SMYD3: variants seen among roughly 807,000 people sequenced by gnomAD.
The protein encoded by SMYD3 is SET and MYND domain containing 3, also known as histone-lysine N-methyltransferase SMYD3.
Under a neutral mutation model 57.7 loss-of-function variants are expected in SMYD3, and 36 were observed. That is an observed-to-expected ratio of 0.62 (90% CI 0.48 to 0.82). The LOEUF is 0.82. Among genes scored for constraint, SMYD3 ranks in the 40% least tolerant of loss-of-function variants. The probability of loss-of-function intolerance (pLI) is 0.00; values close to 1 mark genes in which losing one functional copy is unlikely to be tolerated. For missense variants in SMYD3, 515 were observed against 538.8 expected (o/e 0.96, Z 0.44); for synonymous variants, 211 against 195.0 (o/e 1.08, Z -0.68).
At chr1:245,797,096 T>G (rs2047556441) in intron 10 of SMYD3, among the ~76,000 whole-genome samples, 1 of 152,220 alleles carries the variant, frequency 6.6e-6, no homozygotes, top group East Asian at 1.9e-4. Context: ...CAAGGCACTT[T>G]CTATTCAAGT....
chr1:246,462,056 A>G (rs1407930230), intron 1 of SMYD3, among the ~76,000 whole-genome samples: 1 of 152,164 alleles, frequency 6.6e-6, no homozygotes, highest in Non-Finnish European at 1.5e-5. Context: ...TCCACAAAAG[A>G]GGTGAAATCT....
At chr1:246,450,346 T>C (rs2067614614) in intron 1 of SMYD3, among the ~76,000 whole-genome samples, 1 of 151,798 alleles carries the variant, frequency 6.6e-6, no homozygotes, top group Non-Finnish European at 1.5e-5. Context: ...TCCCAAAGAC[T>C]GAGTTTCAAC....
At chr1:246,258,289 C>A (rs1213651683) in intron 5 of SMYD3, among the ~76,000 whole-genome samples, 1 of 152,138 alleles carries the variant, frequency 6.6e-6, no homozygotes, top group Non-Finnish European at 1.5e-5. Flanking sequence ...CCCACCTCGG[C>A]CTCCCAAAGT....
chr1:246,377,207 G>A (rs983506183), intron 1 of SMYD3, among the ~76,000 whole-genome samples: 3 of 152,104 alleles, frequency 2.0e-5, no homozygotes, highest in Non-Finnish European at 2.9e-5. Flanking sequence ...AGTTAGTGAG[G>A]AAAGTGGTAA....
chr1:246,298,654 T>C (rs2064838177), intron 5 of SMYD3, among the ~76,000 whole-genome samples: 1 of 152,140 alleles, frequency 6.6e-6, no homozygotes, highest in South Asian at 2.1e-4. Flanking sequence ...GCTATCTTTA[T>C]ATAATGATGA....
intron 5 of SMYD3, among the ~76,000 whole-genome samples, chr1:246,174,382 T>C (rs899067883): frequency 6.6e-6 from 1 of 152,210 alleles, no homozygotes; most frequent in African/African-American, 2.4e-5. Flanking sequence ...ACCAGCATTG[T>C]ATACACAGTC....
At chr1:246,034,878 G>A (rs367795849) in intron 5 of SMYD3, among the ~76,000 whole-genome samples, 19 of 152,080 alleles carry the variant, frequency 1.2e-4, no homozygotes, top group Admixed American at 3.9e-4. Flanking sequence ...GATCCCTGCC[G>A]CACAAATTCG....
chr1:245,985,365 C>T (rs1238403981), intron 5 of SMYD3, among the ~76,000 whole-genome samples: 2 of 152,186 alleles, frequency 1.3e-5, no homozygotes, highest in African/African-American at 2.4e-5. Context: ...TTATATTTGT[C>T]CAATAGGCAT....
rs1216321402 is a variant in SMYD3, at chr1:245,791,913, C to T, written c.1077-27764G>A. 2.6e-5 allele frequency among the ~76,000 whole-genome samples: 4 copies of T among 151,142 alleles called. No homozygotes were observed. In the East Asian group the frequency reaches 5.9e-4, roughly 22 times the overall value. On this transcript the variant is annotated intron_variant, in intron 10 of 11. Transcript: ENST00000490107. ...TTCTCACTGTCATGCCAATGACAGA[C>T]CATCTGATTAGACTGTTTTAAACAT... is the stretch of plus-strand genomic sequence containing the variant.
intron 1 of SMYD3, among the ~76,000 whole-genome samples, chr1:246,366,928 C>T (rs865967765): frequency 1.0e-5 from 1 of 100,038 alleles, no homozygotes; most frequent in Admixed American, 1.3e-4. Flanking sequence ...GAGACTCCAT[C>T]TCAAAAAAAA....
chr1:246,427,073 G>A (rs962513983), intron 1 of SMYD3, among the ~76,000 whole-genome samples: 1 of 152,024 alleles, frequency 6.6e-6, no homozygotes, highest in Non-Finnish European at 1.5e-5. Context: ...GAAGCAAGGC[G>A]ACTAGATCAT....
At chr1:245,827,261 C>G (rs10924343) in intron 10 of SMYD3, among the ~76,000 whole-genome samples, 107,876 of 151,924 alleles carry the variant, frequency 0.71, 39,940 homozygotes, top group Non-Finnish European at 0.84. Flanking sequence ...AGCCTGTTGT[C>G]AGTCACTAAT....
At chr1:246,242,155 C>A (rs548658237) in intron 5 of SMYD3, among the ~76,000 whole-genome samples, 12 of 152,146 alleles carry the variant, frequency 7.9e-5, no homozygotes, top group African/African-American at 2.9e-4. Flanking sequence ...TTTGCTCTTG[C>A]TTCTCTAGTT....
At chr1:245,947,839 G>T (rs2057476777) in intron 5 of SMYD3, among the ~76,000 whole-genome samples, 1 of 152,080 alleles carries the variant, frequency 6.6e-6, no homozygotes, top group Non-Finnish European at 1.5e-5. Flanking sequence ...AGATATCTCA[G>T]AATTAATGAA....
chr1:246,231,364 T>C (rs1440817475), intron 5 of SMYD3, among the ~76,000 whole-genome samples: 2 of 152,178 alleles, frequency 1.3e-5, no homozygotes, highest in Non-Finnish European at 2.9e-5. Flanking sequence ...CAGCAATAGA[T>C]CTATTTAATA....
At chr1:246,419,843 T>C (rs1158110990) in intron 1 of SMYD3, among the ~76,000 whole-genome samples, 1 of 152,238 alleles carries the variant, frequency 6.6e-6, no homozygotes, top group Non-Finnish European at 1.5e-5. Context: ...CTGGAAAAAC[T>C]ATCTTCCGCA....
rs1051443464 is a variant in SMYD3, at chr1:245,836,525, C to T, written c.1076+21971G>A. Reference sequence around the variant, plus strand: ...CACCTAAGGCACAAATGCTCCGAGTCGGTTGGGGTTTGTGTGTTCCATCCG... The same window carrying T: ...CACCTAAGGCACAAATGCTCCGAGTTGGTTGGGGTTTGTGTGTTCCATCCG... On this transcript the variant is annotated intron_variant, in intron 10 of 11. Coordinates refer to ENST00000490107, the MANE Select transcript of SMYD3 (RefSeq NM_001167740.2). 4.6e-5 allele frequency among the ~76,000 whole-genome samples: 7 copies of T among 152,198 alleles called. No individual in the cohort carries two copies. In the East Asian group the frequency reaches 7.7e-4, roughly 17 times the overall value.
chr1:246,323,222 T>C (rs969096787), intron 5 of SMYD3, among the ~76,000 whole-genome samples: 5 of 152,182 alleles, frequency 3.3e-5, no homozygotes, highest in African/African-American at 4.8e-5. Flanking sequence ...TATATCTATA[T>C]AGAAAACTCC....
chr1:245,855,479 A>G (rs1239421009), intron 10 of SMYD3, among the ~76,000 whole-genome samples: 2 of 152,220 alleles, frequency 1.3e-5, no homozygotes, highest in African/African-American at 4.8e-5. Flanking sequence ...CATTAGACTA[A>G]GTTAAACTTT....
Sources: gnomAD v4.1 joint callset for allele counts (sites outside exome capture counted in the v4.1 genomes callset) on GRCh38, gnomAD v4.1.1 for gene constraint, MANE v1.5 for transcripts, NCBI Gene and HGNC (gene_info 2026-07-23, HGNC 2026-07-21) for gene names.